Variants in LYRM7 observed in about 807,000 individuals in gnomAD.
LYRM7 encodes the protein LYR motif containing 7.
Under a neutral mutation model 15.8 loss-of-function variants are expected in LYRM7, and 9 were observed. That is an observed-to-expected ratio of 0.57 (90% CI 0.34 to 0.99). The LOEUF is 0.99. Ranked by LOEUF, LYRM7 falls within the 50% of genes least tolerant of loss-of-function variation. The probability of loss-of-function intolerance (pLI) is 0.02; values close to 1 mark genes in which losing one functional copy is unlikely to be tolerated. For synonymous variants in LYRM7, 39 were observed against 39.4 expected (o/e 0.99, Z 0.04); for missense variants, 115 against 119.1 (o/e 0.97, Z 0.16).
intron 2 of LYRM7, among the ~76,000 whole-genome samples, chr5:131,181,166 C>T (rs1418495841): frequency 6.9e-6 from 1 of 144,288 alleles, no homozygotes; most frequent in Non-Finnish European, 1.5e-5. Flanking sequence ...TGGCACACAC[C>T]TGTAATCCCT....
At chr5:131,184,437 C>T (rs1755760983) in intron 3 of LYRM7, among the ~76,000 whole-genome samples, 1 of 152,112 alleles carries the variant, frequency 6.6e-6, no homozygotes, top group Non-Finnish European at 1.5e-5. Flanking sequence ...AAACTCCTGG[C>T]TTCAAGCGAC....
At chr5:131,193,841 C>T (rs2149665265) in intron 4 of LYRM7, among the ~76,000 whole-genome samples, 1 of 152,176 alleles carries the variant, frequency 6.6e-6, no homozygotes, top group Non-Finnish European at 1.5e-5. Flanking sequence ...GAAACCTCAT[C>T]TCTACTAAAA....
chr5:131,204,557 C>T lies in LYRM7; in HGVS notation c.*4956C>T, dbSNP rs1342679525. On this transcript the variant is annotated 3_prime_UTR_variant, in exon 5 of 5. Transcript: ENST00000379380. ...CCAGAAATTCAAATGCTCCAAAGTC[C>T]AAAACTTTCTGACCCACCAACATGA... 1 of 148,190 alleles carries T rather than the reference C, an allele frequency of 6.7e-6. No individual in the cohort carries two copies. The highest frequency in any genetic ancestry group is 3.2e-3 in the Middle Eastern group (1 of 312). 9.2% of individuals were successfully genotyped at this position (148,190 alleles called of 1,614,324 possible).
rs1187775077 is a variant in LYRM7 at position 131,182,226 on chromosome 5, T to C, written c.92-3T>C. 7.7e-6 allele frequency: 11 copies of C among 1,424,398 alleles called. No individual in the cohort carries two copies. Among genetic ancestry groups the C allele is most frequent in the Non-Finnish European group, 1.0e-5 (11 of 1,050,448 alleles). 88.2% of individuals were successfully genotyped at this position (1,424,398 alleles called of 1,614,324 possible). A position where few individuals can be genotyped will look rare whatever the true frequency, so the allele number is the denominator to read the frequency against. On this transcript the variant is annotated splice_polypyrimidine_tract_variant and splice_region_variant and intron_variant, in intron 2 of 4. Transcript: ENST00000379380. ...ATAACTATATGTATTTTTCTCTTTG[T>C]AGCAGCCAGAATAAAGATAAATGAA...
chr5:131,179,989 C>A, intron 1 of LYRM7, 106 bp from the exon 2 acceptor site: 1 of 742,878 alleles, frequency 1.3e-6, no homozygotes, highest in Non-Finnish European at 2.3e-6. Context: ...CGCCCAGGGT[C>A]TCGAACTCCT....
intron 4 of LYRM7, among the ~76,000 whole-genome samples, chr5:131,189,178 CA>C (rs1458456372): frequency 6.9e-6 from 1 of 144,754 alleles, no homozygotes; most frequent in Non-Finnish European, 1.5e-5. Flanking sequence ...CGTGGTGGCT[CA>C]ACGCCTGTAA....
rs1316535953 is a variant in LYRM7 at position 131,174,242 on chromosome 5, A to G, written c.18+3204A>G. Among the ~76,000 whole-genome samples, 14 of 152,212 alleles carry G rather than the reference A, an allele frequency of 9.2e-5. 1 individual carries two copies. In the East Asian group the frequency reaches 2.7e-3, roughly 29 times the overall value. Reference sequence around the variant, plus strand: ...GCTCATTCATGAGAAGCAACTCCTCATGCATTTAAGTTTTATCGAGATTGC... The same window carrying G: ...GCTCATTCATGAGAAGCAACTCCTCGTGCATTTAAGTTTTATCGAGATTGC... On this transcript the variant is annotated intron_variant, in intron 1 of 4. Coordinates refer to ENST00000379380, the MANE Select transcript of LYRM7 (RefSeq NM_181705.4).
At chr5:131,178,111 T>G (rs1755629836) in intron 1 of LYRM7, among the ~76,000 whole-genome samples, 1 of 152,218 alleles carries the variant, frequency 6.6e-6, no homozygotes, top group East Asian at 1.9e-4. Context: ...TTTTAAATTT[T>G]TTTGCTCTGT....
chr5:131,196,586 A>G (rs1755968719), intron 4 of LYRM7, among the ~76,000 whole-genome samples: 1 of 152,054 alleles, frequency 6.6e-6, no homozygotes, highest in Non-Finnish European at 1.5e-5. Flanking sequence ...CATGGAAGGT[A>G]GCAGAACAGG....
intron 1 of LYRM7, among the ~76,000 whole-genome samples, chr5:131,175,561 G>T (rs578257845): frequency 1.3e-5 from 2 of 150,618 alleles, no homozygotes; most frequent in East Asian, 3.9e-4. Context: ...TTGAGACAGG[G>T]TCTCACTCTG....
Position 131,180,100 on chromosome 5 carries a change from A to C in LYRM7, c.24A>C (p.Leu8Phe). The C allele has an allele frequency of 6.2e-7, 1 of 1,610,194 alleles. No homozygotes were observed. Among genetic ancestry groups the C allele is most frequent in the Non-Finnish European group, 8.5e-7 (1 of 1,176,972 alleles). The part of the protein sequence containing the change: MGRAVKV[L>F]QLFKTLHRTR... ...AATTCTGATTTTCTTAACAGGTTTT[A>C]CAGCTCTTTAAAACACTGCACAGGA... The change falls in exon 2 of 5, where the codon TTA (leucine) becomes TTC (phenylalanine). Residue 8 changes from leucine to phenylalanine, a missense_variant. Coordinates refer to ENST00000379380, the MANE Select transcript of LYRM7 (RefSeq NM_181705.4).
At position 131,184,647 on chromosome 5, in the gene LYRM7, G is replaced by C. The variant is rs577008496; in HGVS notation, c.162+2348G>C. ...AAATGGAATTTTTTTTGGCGGGGGGGGGGTTCCAGGATTCATGCAGACCAC... is the reference window on the plus strand; with the variant it reads ...AAATGGAATTTTTTTTGGCGGGGGGCGGGTTCCAGGATTCATGCAGACCAC... On this transcript the variant is annotated intron_variant, in intron 3 of 4. Coordinates refer to ENST00000379380, the MANE Select transcript of LYRM7 (RefSeq NM_181705.4). Among the ~76,000 whole-genome samples the C allele has an allele frequency of 1.8e-4, 26 of 145,210 alleles. No individual in the cohort carries two copies. The South Asian group carries it at 4.2e-3, about 24-fold the overall frequency.
rs367583215 is a variant in LYRM7 at position 131,186,955 on chromosome 5, A to C, written c.163-73A>C. 9.1e-5 allele frequency: 75 copies of C among 823,052 alleles called. No individual in the cohort carries two copies. The African/African-American group carries it at 1.1e-3, about 13-fold the overall frequency. 51.0% of individuals were successfully genotyped at this position (823,052 alleles called of 1,614,324 possible). A position where few individuals can be genotyped will look rare whatever the true frequency, so the allele number is the denominator to read the frequency against. On this transcript the variant is annotated intron_variant, in intron 3 of 4. Transcript: ENST00000379380. The stretch of plus-strand genomic sequence containing the variant: ...CTTGAAAAGAAATTATAGTAAAACT[A>C]TCGTTTTCAAAAACAGTACATTCAT...
chr5:131,181,272 T>C (rs531164359), intron 2 of LYRM7, among the ~76,000 whole-genome samples: 4 of 24,068 alleles, frequency 1.7e-4, no homozygotes, highest in Non-Finnish European at 2.2e-4. Context: ...CAAGACTCCA[T>C]CTGAAAAAAA....
intron 4 of LYRM7, among the ~76,000 whole-genome samples, chr5:131,192,933 CAT>C (rs1755908217): frequency 1.3e-5 from 2 of 151,924 alleles, no homozygotes; most frequent in African/African-American, 2.4e-5. Flanking sequence ...CTTTGACAAA[CAT>C]ATATATTTTC....
In LYRM7 at chr5:131,181,415, GTTTA is replaced by G. The variant is rs1474989501; in HGVS notation, c.92-812_92-809del. ...ATATATATTATATATACATATATAT[GTTTA>G]TATATATATAACATATATATGTATA... is the stretch of plus-strand genomic sequence containing the variant. On this transcript the variant is annotated intron_variant, in intron 2 of 4. Coordinates refer to ENST00000379380, the MANE Select transcript of LYRM7 (RefSeq NM_181705.4). Among the ~76,000 whole-genome samples, 23 of 98,536 alleles carry G rather than the reference GTTTA, an allele frequency of 2.3e-4. 1 individual carries two copies. The highest frequency in any genetic ancestry group is 9.9e-4 in the African/African-American group (21 of 21,262). The allele number at this position is 98,536 out of a possible 152,430, so 64.6% of individuals were successfully genotyped here.
At chr5:131,196,251 G>A (rs112741727) in intron 4 of LYRM7, among the ~76,000 whole-genome samples, 6 of 151,520 alleles carry the variant, frequency 4.0e-5, no homozygotes, top group South Asian at 2.1e-4. Context: ...ACTACCGCTC[G>A]GGCAATCCAA....
At chr5:131,190,048 C>CACTT (rs1185138384) in intron 4 of LYRM7, among the ~76,000 whole-genome samples, 1 of 150,594 alleles carries the variant, frequency 6.6e-6, no homozygotes, top group Non-Finnish European at 1.5e-5. Context: ...GTGGGAGGAT[C>CACTT]ACTTGAGCCT....
rs1756161697 is a variant in LYRM7, at chr5:131,205,345, T to C, written c.*5744T>C. On this transcript the variant is annotated 3_prime_UTR_variant, in exon 5 of 5. Coordinates refer to ENST00000379380, the MANE Select transcript of LYRM7 (RefSeq NM_181705.4). The stretch of plus-strand genomic sequence containing the variant: ...TTCATCATACATTAGGTTTTGGCGA[T>C]TTAGCCATAATTTGGCATGAATTCA... The C allele has an allele frequency of 6.6e-6, 1 of 152,230 alleles. No homozygotes were observed. Among genetic ancestry groups the C allele is most frequent in the African/African-American group, 2.4e-5 (1 of 41,466 alleles). 9.4% of individuals were successfully genotyped at this position (152,230 alleles called of 1,614,324 possible). A position where few individuals can be genotyped will look rare whatever the true frequency, so the allele number is the denominator to read the frequency against.
Sources: gnomAD v4.1 joint callset for allele counts (sites outside exome capture counted in the v4.1 genomes callset) on GRCh38, gnomAD v4.1.1 for gene constraint, MANE v1.5 for transcripts, NCBI Gene and HGNC (gene_info 2026-07-23, HGNC 2026-07-21) for gene names.